SESTD1: variants seen among roughly 807,000 people sequenced by gnomAD.
SESTD1 encodes the protein SEC14 domain and spectrin repeat-containing protein 1.
In SESTD1, 43 loss-of-function variants were observed where a neutral mutation model predicts 101.7. The ratio of observed to expected loss-of-function variants is 0.42; its 90% CI spans 0.33 to 0.55. The LOEUF (loss-of-function observed/expected upper bound fraction) is 0.55, where lower values mean the gene tolerates loss of function less well. SESTD1 is among the 20% of genes least tolerant of loss of function. The pLI is 0.07. For missense variants in SESTD1, 647 were observed against 815.1 expected, an observed-to-expected ratio of 0.79 and a Z score of 2.51; for synonymous variants, 283 against 286.8, an observed-to-expected ratio of 0.99 and a Z score of 0.13.
intron 2 of SESTD1, among the ~76,000 whole-genome samples, chr2:179,184,768 C>T (rs1416485113): frequency 6.6e-6 from 1 of 152,066 alleles, no homozygotes; most frequent in African/African-American, 2.4e-5. Context: ...CCCATTAAGC[C>T]AAGCCCCAAA....
In SESTD1 at chr2:179,106,443, G is replaced by A. The variant is rs2044383715; in HGVS notation, c.*3456C>T. On this transcript the variant is annotated 3_prime_UTR_variant, in exon 18 of 18. Coordinates refer to ENST00000428443, the MANE Select transcript of SESTD1 (RefSeq NM_178123.5). ...ATTCTGAACTATTTCTTCAAATGTA[G>A]ACCATAGATTCAGCTAACTTCATAA... is the stretch of plus-strand genomic sequence containing the variant. The A allele has an allele frequency of 6.6e-6, 1 of 152,094 alleles. No individual in the cohort carries two copies. The highest frequency in any genetic ancestry group is 1.5e-5 in the Non-Finnish European group (1 of 68,022). 9.4% of individuals were successfully genotyped at this position (152,094 alleles called of 1,614,324 possible).
chr2:179,161,808 A>G (rs1176888398), intron 5 of SESTD1, among the ~76,000 whole-genome samples: 2 of 152,218 alleles, frequency 1.3e-5, no homozygotes, highest in Non-Finnish European at 2.9e-5. Context: ...AAGCAACTAT[A>G]TATGAGAAAA....
chr2:179,112,658 T>G (rs2044534757), intron 17 of SESTD1, 66 bp downstream of exon 17: 2 of 1,472,250 alleles, frequency 1.4e-6, no homozygotes, highest in African/African-American at 2.9e-5. Context: ...ATAGATTTCC[T>G]CTTTTAATGA....
chr2:179,236,870 TA>T (rs2047076543), intron 1 of SESTD1, among the ~76,000 whole-genome samples: 1 of 151,726 alleles, frequency 6.6e-6, no homozygotes, highest in Admixed American at 6.6e-5. Flanking sequence ...TAGAATAATA[TA>T]AAACCATATT....
At chr2:179,230,879 A>G (rs907671792) in intron 1 of SESTD1, among the ~76,000 whole-genome samples, 1 of 152,138 alleles carries the variant, frequency 6.6e-6, no homozygotes, top group Admixed American at 6.5e-5. Context: ...ATTCTAAAAT[A>G]TATTATAGTA....
chr2:179,112,885 G>A (rs774201692), intron 16 of SESTD1, 40 bp from the exon 17 acceptor site: 3 of 1,581,246 alleles, frequency 1.9e-6, no homozygotes, highest in Non-Finnish European at 1.7e-6. Flanking sequence ...AAGAGACACA[G>A]ACAGGTCTGC....
rs2105444761 is a variant in SESTD1 at position 179,146,399 on chromosome 2, T to C, written c.637+3A>G. On this transcript the variant is annotated splice_donor_region_variant and intron_variant, in intron 8 of 17. Transcript: ENST00000428443. Reference sequence around the variant, plus strand: ...ATTATCACAAATATTTTTTAAATCTTACCTGTCTGAAGAACTGTTTCAGGA... The same window carrying C: ...ATTATCACAAATATTTTTTAAATCTCACCTGTCTGAAGAACTGTTTCAGGA... 4.3e-6 allele frequency: 7 copies of C among 1,609,490 alleles called. No individual in the cohort carries two copies. Among genetic ancestry groups the C allele is most frequent in the Non-Finnish European group, 5.9e-6 (7 of 1,176,982 alleles).
At chr2:179,157,900 G>A (rs1414098949) in intron 5 of SESTD1, among the ~76,000 whole-genome samples, 1 of 152,050 alleles carries the variant, frequency 6.6e-6, no homozygotes, top group East Asian at 1.9e-4. Context: ...ACAAGATGTA[G>A]AATAAAATTT....
Position 179,102,793 on chromosome 2 carries a change from T to TA in SESTD1, c.*7105dup, listed in dbSNP as rs1286860998. Reference sequence around the variant, plus strand: ...AAAACTACAGCTGGGTGGTATTGAATAAAGAGACAATATTGAAAATATTTT... The same window carrying TA: ...AAAACTACAGCTGGGTGGTATTGAATAAAAGAGACAATATTGAAAATATTTT... On this transcript the variant is annotated 3_prime_UTR_variant, in exon 18 of 18. Coordinates refer to ENST00000428443, the MANE Select transcript of SESTD1 (RefSeq NM_178123.5). 5 of 152,012 alleles carry TA rather than the reference T, an allele frequency of 3.3e-5. No homozygotes were observed. The highest frequency in any genetic ancestry group is 1.2e-4 in the African/African-American group (5 of 41,388). The allele number at this position is 152,012 out of a possible 1,614,324, so 9.4% of individuals were successfully genotyped here.
intron 1 of SESTD1, among the ~76,000 whole-genome samples, chr2:179,215,990 A>C (rs1368308059): frequency 7.4e-6 from 1 of 135,200 alleles, no homozygotes; most frequent in African/African-American, 2.9e-5. Flanking sequence ...AACATAACTC[A>C]AAATAGTAAG....
intron 1 of SESTD1, among the ~76,000 whole-genome samples, chr2:179,244,770 G>A (rs1165715290): frequency 1.3e-5 from 2 of 152,150 alleles, no homozygotes; most frequent in Non-Finnish European, 2.9e-5. Flanking sequence ...AAATACAATA[G>A]GCTTCCTTTG....
At chr2:179,239,831 G>C (rs2047123930) in intron 1 of SESTD1, among the ~76,000 whole-genome samples, 1 of 152,172 alleles carries the variant, frequency 6.6e-6, no homozygotes, top group Non-Finnish European at 1.5e-5. Flanking sequence ...ACTCAACAAA[G>C]AGTAGATGCT....
intron 5 of SESTD1, among the ~76,000 whole-genome samples, chr2:179,158,093 A>T (rs1394571371): frequency 6.6e-6 from 1 of 152,202 alleles, no homozygotes; most frequent in Non-Finnish European, 1.5e-5. Context: ...CATTCATTCC[A>T]GGTCTGTGCC....
At chr2:179,185,670 AATATAG>A (rs1460049976) in intron 2 of SESTD1, among the ~76,000 whole-genome samples, 12 of 74,570 alleles carry the variant, frequency 1.6e-4, no homozygotes, top group East Asian at 7.2e-4. Context: ...TACAATATAT[AATATAG>A]CATATTATAT....
intron 1 of SESTD1, among the ~76,000 whole-genome samples, chr2:179,239,370 G>A (rs2047116056): frequency 6.6e-6 from 1 of 150,650 alleles, no homozygotes; most frequent in Non-Finnish European, 1.5e-5. Flanking sequence ...TCTCCTGGAT[G>A]AGTCATCTGC....
chr2:179,256,811 CAAA>C (rs368195849), intron 1 of SESTD1, among the ~76,000 whole-genome samples: 1 of 76,506 alleles, frequency 1.3e-5, no homozygotes, highest in Non-Finnish European at 2.7e-5. Flanking sequence ...GACTCCACCT[CAAA>C]AAAAAAAAAA....
intron 3 of SESTD1, among the ~76,000 whole-genome samples, chr2:179,177,580 G>T (rs1013761795): frequency 2.0e-5 from 3 of 152,116 alleles, no homozygotes; most frequent in African/African-American, 7.2e-5. Flanking sequence ...GTCATGCCCT[G>T]TTCTACCAAG....
At chr2:179,191,537 A>G (rs1157816232) in intron 2 of SESTD1, among the ~76,000 whole-genome samples, 4 of 152,140 alleles carry the variant, frequency 2.6e-5, no homozygotes, top group African/African-American at 9.7e-5. Flanking sequence ...ATCATGTAAT[A>G]TACCCATGCA....
chr2:179,160,550 C>T (rs1317256498), intron 5 of SESTD1, among the ~76,000 whole-genome samples: 1 of 151,840 alleles, frequency 6.6e-6, no homozygotes, highest in African/African-American at 2.4e-5. Flanking sequence ...TTGACATTGT[C>T]ACCTGTTCTA....
Sources: gnomAD v4.1 joint callset for allele counts (sites outside exome capture counted in the v4.1 genomes callset) on GRCh38, gnomAD v4.1.1 for gene constraint, MANE v1.5 for transcripts, NCBI Gene and HGNC (gene_info 2026-07-23, HGNC 2026-07-21) for gene names.